MAGI3: variants seen among roughly 807,000 people sequenced by gnomAD.
MAGI3 encodes membrane associated guanylate kinase, WW and PDZ domain containing 3.
MAGI3 carries 43 observed loss-of-function variants against 121.8 expected under a neutral mutation model. The observed-to-expected ratio is 0.35, with a 90% CI of 0.28 to 0.46. MAGI3 has a LOEUF of 0.46. MAGI3 is among the 20% of genes least tolerant of loss of function. The probability of loss-of-function intolerance (pLI) is 1.00; values close to 1 mark genes in which losing one functional copy is unlikely to be tolerated. For missense variants in MAGI3, 1,547 were observed against 1,797.3 expected (o/e 0.86, Z 2.52); for synonymous variants, 553 against 639.3 (o/e 0.86, Z 2.04).
chr1:113,625,517 A>G lies in MAGI3; in HGVS notation c.1360+2523A>G, dbSNP rs530913093. Among the ~76,000 whole-genome samples, 9 of 152,308 alleles carry G rather than the reference A, an allele frequency of 5.9e-5. No individual in the cohort carries two copies. The South Asian group carries it at 1.9e-3, about 32-fold the overall frequency. On this transcript the variant is annotated intron_variant, in intron 9 of 20. Transcript: ENST00000307546. ...TCAGATTGTTCACTGGCATATAGAA[A>G]GGCTACTGATTTTTGTATGTCGCTT...
At chr1:113,622,036 T>C (rs1650848903) in intron 8 of MAGI3, among the ~76,000 whole-genome samples, 1 of 152,212 alleles carries the variant, frequency 6.6e-6, no homozygotes, top group African/African-American at 2.4e-5. Flanking sequence ...AAAATTAGAT[T>C]ATGCTGATAG....
intron 2 of MAGI3, among the ~76,000 whole-genome samples, chr1:113,568,438 A>T (rs1057127497): frequency 1.3e-5 from 2 of 152,100 alleles, no homozygotes; most frequent in Non-Finnish European, 2.9e-5. Context: ...TGACTTGTAG[A>T]TTCAATGTAA....
At chr1:113,636,194 AT>A (rs1233271477) in intron 9 of MAGI3, among the ~76,000 whole-genome samples, 2 of 151,968 alleles carry the variant, frequency 1.3e-5, no homozygotes, top group Non-Finnish European at 2.9e-5. Flanking sequence ...GGATTCATTA[AT>A]TTTTTGAAGG....
intron 1 of MAGI3, among the ~76,000 whole-genome samples, chr1:113,395,694 T>A (rs1015417348): frequency 3.9e-5 from 6 of 152,042 alleles, no homozygotes; most frequent in Non-Finnish European, 1.5e-5. Context: ...CACATACTTT[T>A]GTTAACTTTT....
intron 1 of MAGI3, among the ~76,000 whole-genome samples, chr1:113,520,163 G>A (rs527469757): frequency 5.9e-5 from 9 of 151,626 alleles, no homozygotes; most frequent in Non-Finnish European, 1.3e-4. Flanking sequence ...TTAACTTTTG[G>A]AACAGATGCT....
At position 113,643,794 on chromosome 1, in the gene MAGI3, C is replaced by G; in HGVS notation, c.1998+20C>G. On this transcript the variant is annotated intron_variant, in intron 11 of 20. Transcript: ENST00000307546. The stretch of plus-strand genomic sequence containing the variant: ...AAAATGGTGAGTATACACTGGTCCT[C>G]AAATCTTTTCCCCAACACACTGAGA... The G allele has an allele frequency of 6.2e-7, 1 of 1,609,710 alleles. No individual in the cohort carries two copies. The highest frequency in any genetic ancestry group is 1.1e-5 in the South Asian group (1 of 90,826).
At chr1:113,470,326 T>A (rs1655483148) in intron 1 of MAGI3, among the ~76,000 whole-genome samples, 1 of 152,122 alleles carries the variant, frequency 6.6e-6, no homozygotes, top group South Asian at 2.1e-4. Flanking sequence ...GAGATGAGTC[T>A]GAATTGCCAC....
chr1:113,609,935 A>G (rs963810940), intron 6 of MAGI3, among the ~76,000 whole-genome samples: 2 of 152,122 alleles, frequency 1.3e-5, no homozygotes, highest in African/African-American at 2.4e-5. Flanking sequence ...TTTTTATACT[A>G]TCTTTTCCAC....
Position 113,390,867 on chromosome 1 carries a change from G to A in MAGI3, c.-167G>A, listed in dbSNP as rs994922169. 17 of 338,858 alleles carry A rather than the reference G, an allele frequency of 5.0e-5. No individual in the cohort carries two copies. The Admixed American group carries it at 5.2e-4, about 10-fold the overall frequency. 21.0% of individuals were successfully genotyped at this position (338,858 alleles called of 1,614,324 possible). ...CGTCCAAGGGGCGTCTCGCGTCTGGGAACGGCCGGGCCCCCAGCGGGCTGT... is the reference window on the plus strand; with the variant it reads ...CGTCCAAGGGGCGTCTCGCGTCTGGAAACGGCCGGGCCCCCAGCGGGCTGT... On this transcript the variant is annotated 5_prime_UTR_variant, in exon 1 of 21. Transcript: ENST00000307546.
intron 1 of MAGI3, among the ~76,000 whole-genome samples, chr1:113,441,971 G>A (rs2101460367): frequency 6.6e-6 from 1 of 152,114 alleles, no homozygotes; most frequent in Admixed American, 6.5e-5. Flanking sequence ...TTCATTCTTT[G>A]GCTTAACTAA....
intron 1 of MAGI3, among the ~76,000 whole-genome samples, chr1:113,511,412 C>T (rs934243804): frequency 8.5e-5 from 13 of 152,202 alleles, no homozygotes; most frequent in African/African-American, 2.9e-4. Context: ...ACAAATGCTT[C>T]GTGCTGCAAA....
At chr1:113,508,284 G>A (rs907325421) in intron 1 of MAGI3, among the ~76,000 whole-genome samples, 1 of 152,178 alleles carries the variant, frequency 6.6e-6, no homozygotes, top group Non-Finnish European at 1.5e-5. Context: ...GAGAAGCAGA[G>A]GTGAACTCTG....
chr1:113,457,919 CTA>C lies in MAGI3; in HGVS notation c.316+66572_316+66573del, dbSNP rs977127256. 7.9e-5 allele frequency among the ~76,000 whole-genome samples: 12 copies of C among 152,224 alleles called. No individual in the cohort carries two copies. The South Asian group carries it at 1.7e-3, about 21-fold the overall frequency. On this transcript the variant is annotated intron_variant, in intron 1 of 20. Coordinates refer to ENST00000307546, the MANE Select transcript of MAGI3 (RefSeq NM_001142782.2). ...TAAGAGCATTTCCCAGCATAAAGAA[CTA>C]TGTGGTGACAATAAATTCAGGGACA...
chr1:113,482,697 A>G (rs2101566265), intron 1 of MAGI3, among the ~76,000 whole-genome samples: 1 of 146,568 alleles, frequency 6.8e-6, no homozygotes, highest in South Asian at 2.1e-4. Flanking sequence ...TTCTGACTAA[A>G]TCTAATAATT....
chr1:113,459,209 T>A (rs1654912807), intron 1 of MAGI3, among the ~76,000 whole-genome samples: 1 of 152,228 alleles, frequency 6.6e-6, no homozygotes, highest in African/African-American at 2.4e-5. Flanking sequence ...GATAAACACT[T>A]TCAATTGAAA....
rs185985351 is a variant in MAGI3, at chr1:113,576,508, A to G, written c.434-4034A>G. The stretch of plus-strand genomic sequence containing the variant: ...TGCACCCACTGTCTAACCAGTCCCA[A>G]CGAGATTATCTGGGTACCTCAGTTG... On this transcript the variant is annotated intron_variant, in intron 2 of 20. Coordinates refer to ENST00000307546, the MANE Select transcript of MAGI3 (RefSeq NM_001142782.2). Among the ~76,000 whole-genome samples the G allele has an allele frequency of 1.6e-3, 238 of 152,240 alleles. 1 individual carries two copies. The highest frequency in any genetic ancestry group is 4.7e-3 in the African/African-American group (196 of 41,558).
intron 15 of MAGI3, among the ~76,000 whole-genome samples, chr1:113,656,390 G>A (rs1653467994): frequency 6.6e-6 from 1 of 151,772 alleles, no homozygotes; most frequent in Admixed American, 6.6e-5. Flanking sequence ...CAGGAAACCT[G>A]TCTCAGAATA....
chr1:113,504,254 A>G (rs570700767), intron 1 of MAGI3, among the ~76,000 whole-genome samples: 3 of 152,242 alleles, frequency 2.0e-5, no homozygotes, highest in South Asian at 4.1e-4. Flanking sequence ...TTATATTGCA[A>G]AAGAGAACAT....
chr1:113,643,363 G>A (rs1652657281), intron 10 of MAGI3, among the ~76,000 whole-genome samples: 1 of 152,150 alleles, frequency 6.6e-6, no homozygotes, highest in African/African-American at 2.4e-5. Context: ...AGTGATGGTG[G>A]AATGTGCTCC....
Sources: gnomAD v4.1 joint callset for allele counts (sites outside exome capture counted in the v4.1 genomes callset) on GRCh38, gnomAD v4.1.1 for gene constraint, MANE v1.5 for transcripts, NCBI Gene and HGNC (gene_info 2026-07-23, HGNC 2026-07-21) for gene names.